Variants in TSHZ2 observed in about 807,000 individuals in gnomAD.
The protein encoded by TSHZ2 is teashirt zinc finger homeobox 2.
TSHZ2 carries 21 observed loss-of-function variants against 74.4 expected under a neutral mutation model. The ratio of observed to expected loss-of-function variants is 0.28; its 90% confidence interval spans 0.20 to 0.41. TSHZ2 has a LOEUF of 0.41. Ranked by LOEUF, TSHZ2 falls within the 10% of genes least tolerant of loss-of-function variation. The pLI is 1.00. For synonymous variants in TSHZ2, 540 were observed against 515.3 expected, an observed-to-expected ratio of 1.05 and a Z score of -0.65; for missense variants, 1,244 against 1,293.5, an observed-to-expected ratio of 0.96 and a Z score of 0.59.
chr20:53,444,863 G>A (rs1984490368), intron 2 of TSHZ2, among the ~76,000 whole-genome samples: 1 of 152,022 alleles, frequency 6.6e-6, no homozygotes, highest in Non-Finnish European at 1.5e-5. Flanking sequence ...TTGCCACTTG[G>A]CCCCCCAGCC....
intron 1 of TSHZ2, among the ~76,000 whole-genome samples, chr20:53,030,329 C>A (rs1422196104): frequency 6.8e-6 from 1 of 148,042 alleles, no homozygotes; most frequent in Non-Finnish European, 1.5e-5. Flanking sequence ...TTTTCAGTTT[C>A]CCTGGAAATA....
intron 2 of TSHZ2, among the ~76,000 whole-genome samples, chr20:53,284,624 G>C (rs1197738607): frequency 6.6e-6 from 1 of 152,136 alleles, no homozygotes; most frequent in Non-Finnish European, 1.5e-5. Flanking sequence ...CCCGAAGTAA[G>C]TGTTTTGTGT....
chr20:53,284,300 G>A (rs1455827580), intron 2 of TSHZ2, among the ~76,000 whole-genome samples: 1 of 152,092 alleles, frequency 6.6e-6, no homozygotes, highest in Non-Finnish European at 1.5e-5. Context: ...CTGTCTGTTC[G>A]TGCATAGTTA....
intron 1 of TSHZ2, among the ~76,000 whole-genome samples, chr20:52,990,731 A>G (rs1402681497): frequency 6.6e-6 from 1 of 152,240 alleles, no homozygotes; most frequent in African/African-American, 2.4e-5. Flanking sequence ...AATGCAGTTT[A>G]GCAAACATAT....
intron 2 of TSHZ2, among the ~76,000 whole-genome samples, chr20:53,370,587 C>T (rs1187700743): frequency 6.6e-6 from 1 of 151,902 alleles, no homozygotes; most frequent in African/African-American, 2.4e-5. Context: ...ATAGCAAGAC[C>T]CCATCTCTAC....
At chr20:53,072,967 A>ATCCCTCCATCCATCCC (rs1985224932) in intron 1 of TSHZ2, among the ~76,000 whole-genome samples, 1 of 111,674 alleles carries the variant, frequency 9.0e-6, no homozygotes, top group African/African-American at 2.8e-5. Context: ...TCATCCATCT[A>ATCCCTCCATCCATCCC]TCCCTCCATC....
chr20:53,373,497 G>A (rs1477815848), intron 2 of TSHZ2, among the ~76,000 whole-genome samples: 1 of 152,138 alleles, frequency 6.6e-6, no homozygotes, highest in Non-Finnish European at 1.5e-5. Flanking sequence ...CATAATAACT[G>A]ACTAGAAATG....
At chr20:53,401,774 CTTT>C (rs59656180) in intron 2 of TSHZ2, among the ~76,000 whole-genome samples, 1 of 94,850 alleles carries the variant, frequency 1.1e-5, no homozygotes, top group Admixed American at 1.2e-4. Flanking sequence ...AACACATTTT[CTTT>C]TTTTTTTTTT....
intron 2 of TSHZ2, among the ~76,000 whole-genome samples, chr20:53,403,456 C>G (rs1354441531): frequency 6.6e-6 from 1 of 152,062 alleles, no homozygotes; most frequent in Non-Finnish European, 1.5e-5. Flanking sequence ...ATGTAGATAC[C>G]CTGGAATCCA....
chr20:53,024,740 T>C lies in TSHZ2; in HGVS notation c.40+51407T>C, dbSNP rs140102398. Among the ~76,000 whole-genome samples the C allele has an allele frequency of 3.9e-4, 60 of 152,282 alleles. No homozygotes were observed. The East Asian group carries it at 0.011, about 29-fold the overall frequency. ...CAGCTCCCACTTATGAGGAACAACA[T>C]GCAGTGTTTCGTTTTCTGTTCTTGT... On this transcript the variant is annotated intron_variant, in intron 1 of 2. Coordinates refer to ENST00000371497, the MANE Select transcript of TSHZ2 (RefSeq NM_173485.6).
chr20:53,180,001 C>G (rs76894624), intron 1 of TSHZ2, among the ~76,000 whole-genome samples: 1 of 152,182 alleles, frequency 6.6e-6, no homozygotes, highest in East Asian at 1.9e-4. Flanking sequence ...AAGGAAAATA[C>G]GCATTTCACC....
chr20:53,321,700 A>AAAAAAAAAAAT (rs1979276647), intron 2 of TSHZ2, among the ~76,000 whole-genome samples: 1 of 150,398 alleles, frequency 6.6e-6, no homozygotes, highest in Non-Finnish European at 1.5e-5. Context: ...AAAAAAAAAA[A>AAAAAAAAAAAT]GAAAGACATT....
At chr20:53,350,628 C>T (rs1481154071) in intron 2 of TSHZ2, among the ~76,000 whole-genome samples, 3 of 152,220 alleles carry the variant, frequency 2.0e-5, no homozygotes, top group Non-Finnish European at 2.9e-5. Flanking sequence ...TAGCCTCCAT[C>T]AGGTCATGAT....
intron 1 of TSHZ2, among the ~76,000 whole-genome samples, chr20:53,054,805 G>A (rs756057320): frequency 6.6e-6 from 1 of 152,076 alleles, no homozygotes; most frequent in African/African-American, 2.4e-5. Flanking sequence ...TTGTATTCAT[G>A]GGCTATGGGC....
intron 2 of TSHZ2, among the ~76,000 whole-genome samples, chr20:53,419,772 G>A (rs566686962): frequency 5.9e-5 from 9 of 152,292 alleles, no homozygotes; most frequent in African/African-American, 2.4e-5. Context: ...TGACAAACAC[G>A]GGACATGTGA....
intron 1 of TSHZ2, among the ~76,000 whole-genome samples, chr20:53,017,888 A>AAAG (rs1983099153): frequency 6.6e-6 from 1 of 152,220 alleles, no homozygotes; most frequent in South Asian, 2.1e-4. Flanking sequence ...TAGACTATGT[A>AAAG]ACTTTCATGG....
intron 2 of TSHZ2, among the ~76,000 whole-genome samples, chr20:53,336,280 C>T (rs1029761385): frequency 2.6e-5 from 4 of 152,134 alleles, no homozygotes; most frequent in African/African-American, 9.7e-5. Flanking sequence ...GTCTCCTTTC[C>T]AGGACTGGTT....
intron 2 of TSHZ2, among the ~76,000 whole-genome samples, chr20:53,380,539 A>T (rs537966014): frequency 6.6e-6 from 1 of 152,300 alleles, no homozygotes; most frequent in Non-Finnish European, 1.5e-5. Context: ...CACAGCTAGG[A>T]CTCTTTCTAA....
chr20:52,979,819 T>C (rs979494344), intron 1 of TSHZ2, among the ~76,000 whole-genome samples: 3 of 152,208 alleles, frequency 2.0e-5, no homozygotes, highest in African/African-American at 7.2e-5. Flanking sequence ...ATTATTAATA[T>C]ATCAGTATTA....
Sources: allele counts gnomAD v4.1 joint callset (sites outside exome capture counted in the v4.1 genomes callset), GRCh38; gene constraint gnomAD v4.1.1; transcripts MANE v1.5; gene names NCBI Gene and HGNC (gene_info 2026-07-23, HGNC 2026-07-21).